DLC1: variants seen among roughly 807,000 people sequenced by gnomAD.
DLC1 encodes rho GTPase-activating protein 7.
In DLC1, 54 loss-of-function variants were observed where a neutral mutation model predicts 140.3. The observed-to-expected ratio is 0.38, with a 90% CI of 0.31 to 0.48. The LOEUF is 0.48. DLC1 is among the 20% of genes least tolerant of loss of function. The probability of loss-of-function intolerance (pLI) is 0.96; values close to 1 mark genes in which losing one functional copy is unlikely to be tolerated. For missense variants in DLC1, 2,536 were observed against 1,907.0 expected (o/e 1.33, Z -6.14); for synonymous variants, 986 against 728.1 (o/e 1.35, Z -5.70).
chr8:13,301,921 C>G lies in DLC1; in HGVS notation c.1348+3348G>C, dbSNP rs981172442. Among the ~76,000 whole-genome samples the G allele has an allele frequency of 6.6e-5, 10 of 152,238 alleles. No individual in the cohort carries two copies. In the South Asian group the frequency reaches 2.1e-3, roughly 32 times the overall value. ...TCCTGAAACCCTCCCCTACCCAACT[C>G]CGTGGAAAAATTGTTTTCCATGAAA... On this transcript the variant is annotated intron_variant, in intron 5 of 17. Transcript: ENST00000276297.
rs116713799 is a variant in DLC1, at chr8:13,489,859, C to A, written c.1023+9190G>T. ...TGCATTATTTTCAGATATAATAATT[C>A]TGCACTCCAATTATTTGGCTGTCAG... On this transcript the variant is annotated intron_variant, in intron 2 of 17. Transcript: ENST00000276297. Among the ~76,000 whole-genome samples, 514 of 152,296 alleles carry A rather than the reference C, an allele frequency of 3.4e-3. 3 individuals carry two copies. The highest frequency in any genetic ancestry group is 0.012 in the African/African-American group (501 of 41,558).
chr8:13,599,572 C>G (rs1805802483), intron 1 of DLC1, among the ~76,000 whole-genome samples: 1 of 151,838 alleles, frequency 6.6e-6, no homozygotes, highest in Non-Finnish European at 1.5e-5. Context: ...AACCAAGAAC[C>G]TAAATATCTA....
chr8:13,425,376 T>C (rs1838520798), intron 2 of DLC1, among the ~76,000 whole-genome samples: 1 of 152,106 alleles, frequency 6.6e-6, no homozygotes, highest in African/African-American at 2.4e-5. Context: ...GCTCTCAGAG[T>C]TCACAGGACT....
intron 5 of DLC1, among the ~76,000 whole-genome samples, chr8:13,118,746 G>C (rs975546061): frequency 3.3e-5 from 5 of 151,914 alleles, no homozygotes; most frequent in Admixed American, 2.0e-4. Context: ...CTACATGCGA[G>C]TCACACAGTT....
intron 6 of DLC1, among the ~76,000 whole-genome samples, chr8:13,111,621 G>C (rs1236992950): frequency 6.6e-6 from 1 of 152,174 alleles, no homozygotes; most frequent in Non-Finnish European, 1.5e-5. Flanking sequence ...AAGAAAAGGA[G>C]AGCGGAGGTA....
intron 1 of DLC1, among the ~76,000 whole-genome samples, chr8:13,521,795 C>T (rs975053529): frequency 2.6e-5 from 4 of 152,130 alleles, no homozygotes; most frequent in African/African-American, 7.2e-5. Flanking sequence ...TTCTGTCTTT[C>T]CCTTTCAAGT....
At chr8:13,309,012 A>T (rs1305609056) in intron 4 of DLC1, among the ~76,000 whole-genome samples, 1 of 152,180 alleles carries the variant, frequency 6.6e-6, no homozygotes, top group Non-Finnish European at 1.5e-5. Context: ...TGGAACTAAA[A>T]CACCGAATGC....
chr8:13,283,257 G>T (rs2117432965), intron 5 of DLC1, among the ~76,000 whole-genome samples: 1 of 151,760 alleles, frequency 6.6e-6, no homozygotes, highest in South Asian at 2.1e-4. Context: ...AAAGCTATTT[G>T]CAGGTCGACT....
chr8:13,304,721 A>G, intron 5 of DLC1: 5 of 961,838 alleles, frequency 5.2e-6, no homozygotes, highest in Non-Finnish European at 6.2e-6. Flanking sequence ...AATTTTTCAT[A>G]TTTTCATTTC....
In DLC1 at chr8:13,359,328, A is replaced by G. The variant is rs762376142; in HGVS notation, c.1314+34225T>C. 2.0e-5 allele frequency among the ~76,000 whole-genome samples: 3 copies of G among 152,122 alleles called. No individual in the cohort carries two copies. In the South Asian group the frequency reaches 6.2e-4, roughly 32 times the overall value. The stretch of plus-strand genomic sequence containing the variant: ...TCGGAATTCCTTATTTGTATCCTTA[A>G]CCCATCAATTTGGCTTTGTTGGGTA... On this transcript the variant is annotated intron_variant, in intron 4 of 17. Transcript: ENST00000276297.
At chr8:13,352,330 T>G (rs1222693002) in intron 4 of DLC1, among the ~76,000 whole-genome samples, 1 of 152,244 alleles carries the variant, frequency 6.6e-6, no homozygotes, top group Non-Finnish European at 1.5e-5. Flanking sequence ...GTGCATTTGC[T>G]TTTATTTTTT....
rs899215443 is a variant in DLC1 at position 13,566,779 on chromosome 8, C to T, written c.-126+37758G>A. 1.3e-5 allele frequency: 8 copies of T among 614,414 alleles called. No individual in the cohort carries two copies. The Middle Eastern group carries it at 2.7e-3, about 207-fold the overall frequency. 38.1% of individuals were successfully genotyped at this position (614,414 alleles called of 1,614,324 possible). A position where few individuals can be genotyped will look rare whatever the true frequency, so the allele number is the denominator to read the frequency against. ...CGCAAGCGCAGTGGGCGCTGGGGAG[C>T]GCGGAGGAAAAGGCGGGACGCCGCA... On this transcript the variant is annotated intron_variant, in intron 1 of 1. Coordinates refer to the DLC1 transcript ENST00000631382.
At chr8:13,510,979 C>CTT (rs918565286) in intron 1 of DLC1, among the ~76,000 whole-genome samples, 1 of 149,696 alleles carries the variant, frequency 6.7e-6, no homozygotes, top group Non-Finnish European at 1.5e-5. Context: ...GTTTTCCTTT[C>CTT]TTTTTTTTTT....
intron 16 of DLC1, among the ~76,000 whole-genome samples, chr8:13,086,841 T>C (rs941096863): frequency 5.3e-5 from 8 of 151,888 alleles, no homozygotes; most frequent in East Asian, 1.9e-4. Context: ...CTGGACAACA[T>C]AGTGATACCT....
rs184280438 is a variant in DLC1, at chr8:13,352,891, C to A, written c.1314+40662G>T. On this transcript the variant is annotated intron_variant, in intron 4 of 17. Coordinates refer to ENST00000276297, the MANE Select transcript of DLC1 (RefSeq NM_182643.3). ...GTATTTTAAAATACCCAAGTAATAA[C>A]CTCATTCTGTGGAGAGGATAAACAA... Among the ~76,000 whole-genome samples the A allele has an allele frequency of 4.1e-4, 63 of 152,162 alleles. 1 individual carries two copies. The highest frequency in any genetic ancestry group is 2.3e-3 in the East Asian group (12 of 5,172).
chr8:13,100,514 G>C lies in DLC1; in HGVS notation c.1823C>G (p.Pro608Arg). The change falls in exon 9 of 18, where the codon CCC (proline) becomes CGC (arginine). Residue 608 changes from proline (P) to arginine (R), a missense_variant. Physicochemically the swap from Pro to Arg is moderately radical, Grantham distance 103. Coordinates refer to ENST00000276297, the MANE Select transcript of DLC1 (RefSeq NM_182643.3). Reference protein sequence around the residue: ...SSTGSLPSHAPPSEDAATPRT... With the variant: ...SSTGSLPSHARPSEDAATPRT... ...GGGGGTGGCAGCATCCTCGCTGGGG[G>C]GCGCGTGGCTGGGGAGGCTGCCAGT... 6.2e-7 allele frequency: 1 copy of C among 1,612,606 alleles called. No individual in the cohort carries two copies. Among genetic ancestry groups the C allele is most frequent in the South Asian group, 1.1e-5 (1 of 91,078 alleles).
At chr8:13,524,661 G>T (rs1252393462) in intron 1 of DLC1, among the ~76,000 whole-genome samples, 6 of 151,722 alleles carry the variant, frequency 4.0e-5, no homozygotes, top group Admixed American at 6.6e-5. Context: ...TGCAAAGAAA[G>T]GCATTGTTTT....
intron 1 of DLC1, among the ~76,000 whole-genome samples, chr8:13,602,832 T>A (rs1218972652): frequency 6.6e-6 from 1 of 151,980 alleles, no homozygotes; most frequent in Admixed American, 6.6e-5. Flanking sequence ...AAAGAGTTTT[T>A]ATCCCACGTT....
Position 13,100,369 on chromosome 8 carries a change from G to A in DLC1, c.1968C>T (p.His656=), listed in dbSNP as rs1284394487. Residue 656 remains histidine (H), a synonymous_variant, in exon 9 of 18, where the codon CAC becomes CAT. Coordinates refer to ENST00000276297, the MANE Select transcript of DLC1 (RefSeq NM_182643.3). ...GCGTCTTGGACTTGGCAGTTTTTTC[G>A]TGGCCTTTCATGCTGAAGCTGAAGC... is the stretch of plus-strand genomic sequence containing the variant. ...LSSFSFSMKG[H]EKTAKSKTRS... 6.2e-7 allele frequency: 1 copy of A among 1,614,160 alleles called. No individual in the cohort carries two copies. The highest frequency in any genetic ancestry group is 1.1e-5 in the South Asian group (1 of 91,076).
Sources: allele counts gnomAD v4.1 joint callset (sites outside exome capture counted in the v4.1 genomes callset), GRCh38; gene constraint gnomAD v4.1.1; transcripts MANE v1.5; gene names NCBI Gene and HGNC (gene_info 2026-07-23, HGNC 2026-07-21).